The following GRK3 variants were observed in gnomAD, a reference collection of about 807,000 sequenced individuals.
GRK3 encodes G protein-coupled receptor kinase 3, also known as adrenergic, beta, receptor kinase 2.
A neutral mutation model predicts 95.7 loss-of-function variants in GRK3; 54 were observed. The ratio of observed to expected loss-of-function variants is 0.56; its 90% CI spans 0.45 to 0.71. The LOEUF (loss-of-function observed/expected upper bound fraction) is 0.71. GRK3 is among the 30% of genes least tolerant of loss of function. The probability of loss-of-function intolerance (pLI) is 0.00; values close to 1 mark genes in which losing one functional copy is unlikely to be tolerated. For synonymous variants in GRK3, 281 were observed against 290.8 expected, an observed-to-expected ratio of 0.97 and a Z score of 0.34; for missense variants, 649 against 851.2, an observed-to-expected ratio of 0.76 and a Z score of 2.96.
chr22:25,626,818 C>T (rs931109539), intron 2 of GRK3, among the ~76,000 whole-genome samples: 1 of 152,202 alleles, frequency 6.6e-6, no homozygotes, highest in African/African-American at 2.4e-5. Context: ...TATCGTCTGC[C>T]CCCAGTGGGT....
At position 25,725,301 on chromosome 22, in the gene GRK3, A is replaced by T; in HGVS notation, c.*2851A>T. On this transcript the variant is annotated 3_prime_UTR_variant, in exon 21 of 21. Coordinates refer to ENST00000324198, the MANE Select transcript of GRK3 (RefSeq NM_005160.4). ...TTAACATTGATGAGAAAAATAATTG[A>T]GGTTGATATTTTTACAAAATCATGC... 2.8e-6 allele frequency: 1 copy of T among 358,308 alleles called. No individual in the cohort carries two copies. The highest frequency in any genetic ancestry group is 5.0e-6 in the Non-Finnish European group (1 of 201,876). 22.2% of individuals were successfully genotyped at this position (358,308 alleles called of 1,614,324 possible).
chr22:25,689,888 A>T (rs1282443693), intron 11 of GRK3, among the ~76,000 whole-genome samples: 1 of 152,206 alleles, frequency 6.6e-6, no homozygotes, highest in African/African-American at 2.4e-5. Context: ...TACAGTGAAA[A>T]GGAAATGCTT....
At position 25,711,019 on chromosome 22, in the gene GRK3, G is replaced by A. The variant is rs749054654; in HGVS notation, c.1396-49G>A. On this transcript the variant is annotated intron_variant, in intron 16 of 20. Transcript: ENST00000324198. ...TTTGTAGAATGTTAGGTTGGGACAG[G>A]GCCATACGATCATCTGAAAACTGTA... 6.8e-6 allele frequency: 8 copies of A among 1,176,564 alleles called. No individual in the cohort carries two copies. The South Asian group carries it at 1.1e-4, about 16-fold the overall frequency. 72.9% of individuals were successfully genotyped at this position (1,176,564 alleles called of 1,614,324 possible). A position where few individuals can be genotyped will look rare whatever the true frequency, so the allele number is the denominator to read the frequency against.
chr22:25,666,757 T>C (rs534915198), intron 5 of GRK3, among the ~76,000 whole-genome samples: 1 of 152,286 alleles, frequency 6.6e-6, no homozygotes, highest in Non-Finnish European at 1.5e-5. Flanking sequence ...TTCTTTTATT[T>C]TGTTTTGTAA....
chr22:25,695,909 C>G (rs1357135358), intron 13 of GRK3, among the ~76,000 whole-genome samples: 1 of 151,258 alleles, frequency 6.6e-6, no homozygotes, highest in Non-Finnish European at 1.5e-5. Flanking sequence ...TCTCTGCTCA[C>G]TGCAAGCTCC....
At chr22:25,720,708 C>T (rs1327838896) in intron 19 of GRK3, among the ~76,000 whole-genome samples, 1 of 152,058 alleles carries the variant, frequency 6.6e-6, no homozygotes, top group African/African-American at 2.4e-5. Flanking sequence ...AGCTCTTGAC[C>T]TCGTGATGCA....
rs1421592231 is a variant in GRK3, at chr22:25,711,075, C to T, written c.1403C>T (p.Pro468Leu). The T allele has an allele frequency of 6.0e-5, 96 of 1,611,380 alleles. No homozygotes were observed. Among genetic ancestry groups the T allele is most frequent in the Non-Finnish European group, 8.1e-5 (96 of 1,178,522 alleles). ...WQHVYLQKYP[P>L]PLIPPRGEVN... ...CTTGTTTGGATCTTCCAGTACCCACCACCCTTGATTCCTCCCCGGGGAGAA... is the reference window on the plus strand; with the variant it reads ...CTTGTTTGGATCTTCCAGTACCCACTACCCTTGATTCCTCCCCGGGGAGAA... Residue 468 changes from proline (P) to leucine (L), a missense_variant, in exon 17 of 21, where the codon CCA (proline) becomes CTA (leucine). By Grantham distance (98) the Pro-to-Leu change is moderately conservative. Transcript: ENST00000324198.
Position 25,718,347 on chromosome 22 carries a change from A to G in GRK3, c.1757A>G (p.Asn586Ser). Residue 586 changes from asparagine (N) to serine (S), a missense_variant, in exon 19 of 21, where the codon AAT (asparagine) becomes AGT (serine). Coordinates refer to ENST00000324198, the MANE Select transcript of GRK3 (RefSeq NM_005160.4). ...CGTCGCTATTTTTACCTCTTTCCAA[A>G]TAGACTTGAATGGAGAGGAGAGGGA... is the stretch of plus-strand genomic sequence containing the variant. ...WQRRYFYLFP[N>S]RLEWRGEGES... 1 of 1,614,132 alleles carries G rather than the reference A, an allele frequency of 6.2e-7. No individual in the cohort carries two copies. The highest frequency in any genetic ancestry group is 8.5e-7 in the Non-Finnish European group (1 of 1,180,008).
chr22:25,677,239 C>T (rs989111929), intron 8 of GRK3, among the ~76,000 whole-genome samples: 4 of 150,980 alleles, frequency 2.6e-5, no homozygotes, highest in Admixed American at 2.0e-4. Context: ...GTGACAGGTG[C>T]CTGTAGTCCC....
At chr22:25,576,140 T>C (rs1473863155) in intron 1 of GRK3, among the ~76,000 whole-genome samples, 2 of 152,050 alleles carry the variant, frequency 1.3e-5, no homozygotes, top group Non-Finnish European at 2.9e-5. Context: ...AAACACTGGC[T>C]CCCACAGGAG....
At chr22:25,696,308 T>C (rs941124862) in intron 13 of GRK3, among the ~76,000 whole-genome samples, 5 of 152,176 alleles carry the variant, frequency 3.3e-5, no homozygotes, top group African/African-American at 1.2e-4. Flanking sequence ...AGCTTGCGTT[T>C]GTTGGGGAAA....
At chr22:25,575,255 T>G (rs894525906) in intron 1 of GRK3, among the ~76,000 whole-genome samples, 1 of 152,238 alleles carries the variant, frequency 6.6e-6, no homozygotes, top group Admixed American at 6.5e-5. Context: ...ATTTGGAAAC[T>G]CCTTCTTTTG....
At chr22:25,688,977 T>C (rs936456158) in intron 11 of GRK3, among the ~76,000 whole-genome samples, 1 of 152,248 alleles carries the variant, frequency 6.6e-6, no homozygotes, top group African/African-American at 2.4e-5. Context: ...AACTGAAATG[T>C]ACAGATTATG....
intron 8 of GRK3, among the ~76,000 whole-genome samples, chr22:25,674,933 C>A (rs2085015284): frequency 6.6e-6 from 1 of 151,374 alleles, no homozygotes. Flanking sequence ...GGCAACAGAG[C>A]AAAACTCTGT....
intron 9 of GRK3, among the ~76,000 whole-genome samples, chr22:25,681,245 T>G (rs1351552161): frequency 6.6e-6 from 1 of 152,122 alleles, no homozygotes; most frequent in East Asian, 1.9e-4. Flanking sequence ...TTCTTAGTTC[T>G]CATACAGCTG....
At chr22:25,575,054 A>G (rs1031377878) in intron 1 of GRK3, among the ~76,000 whole-genome samples, 2 of 152,184 alleles carry the variant, frequency 1.3e-5, no homozygotes, top group African/African-American at 4.8e-5. Context: ...CCCTCCAATA[A>G]ATAAAACCGA....
intron 2 of GRK3, among the ~76,000 whole-genome samples, chr22:25,628,210 G>T (rs191877146): frequency 2.0e-5 from 3 of 152,300 alleles, no homozygotes; most frequent in African/African-American, 7.2e-5. Flanking sequence ...TTTTGGTATG[G>T]CAGTGGGTTT....
intron 3 of GRK3, among the ~76,000 whole-genome samples, chr22:25,656,771 TA>T (rs1289328219): frequency 5.3e-5 from 8 of 152,184 alleles, no homozygotes; most frequent in Non-Finnish European, 1.0e-4. Flanking sequence ...TACCTGGAAG[TA>T]AAAACTGCTA....
chr22:25,696,829 G>A (rs929312440), intron 13 of GRK3, among the ~76,000 whole-genome samples: 3 of 152,192 alleles, frequency 2.0e-5, no homozygotes, highest in Non-Finnish European at 4.4e-5. Context: ...TAGAAAGTCG[G>A]GTTCTGTTAT....
Sources: allele counts gnomAD v4.1 joint callset (sites outside exome capture counted in the v4.1 genomes callset), GRCh38; gene constraint gnomAD v4.1.1; transcripts MANE v1.5; gene names NCBI Gene and HGNC (gene_info 2026-07-23, HGNC 2026-07-21).